PLPP4: variants seen among roughly 807,000 people sequenced by gnomAD.
PLPP4 encodes the protein phospholipid phosphatase 4, also known as diacylglycerol pyrophosphate like 2.
Under a neutral mutation model 32.2 loss-of-function variants are expected in PLPP4, and 20 were observed. The ratio of observed to expected loss-of-function variants is 0.62; its 90% CI spans 0.44 to 0.90. The LOEUF (loss-of-function observed/expected upper bound fraction) is 0.90, where lower values mean the gene tolerates loss of function less well. Ranked by LOEUF, PLPP4 falls within the 40% of genes least tolerant of loss-of-function variation. The probability of loss-of-function intolerance (pLI) is 0.00; values close to 1 mark genes in which losing one functional copy is unlikely to be tolerated. For synonymous variants in PLPP4, 127 were observed against 133.0 expected, an observed-to-expected ratio of 0.95 and a Z score of 0.31; for missense variants, 257 against 353.1, an observed-to-expected ratio of 0.73 and a Z score of 2.18.
chr10:120,564,509 CCTAT>C (rs1206393762), intron 5 of PLPP4, among the ~76,000 whole-genome samples: 1 of 151,758 alleles, frequency 6.6e-6, no homozygotes, highest in Non-Finnish European at 1.5e-5. Context: ...TCTTATATGT[CCTAT>C]CTAATATTTC....
Position 120,489,512 on chromosome 10 carries a change from G to A in PLPP4, c.57-14306G>A, listed in dbSNP as rs141787426. On this transcript the variant is annotated intron_variant, in intron 1 of 6. Coordinates refer to ENST00000398250, the MANE Select transcript of PLPP4 (RefSeq NM_001030059.3). ...ACACAGTGTCACACTGCACAACTGC[G>A]GTAGGAGTGGGCCACCAACACATGG... Among the ~76,000 whole-genome samples, 340 of 152,302 alleles carry A rather than the reference G, an allele frequency of 2.2e-3. 1 individual carries two copies. The highest frequency in any genetic ancestry group is 7.8e-3 in the African/African-American group (325 of 41,556).
chr10:120,507,029 T>G (rs1845522209), intron 2 of PLPP4, among the ~76,000 whole-genome samples: 1 of 152,252 alleles, frequency 6.6e-6, no homozygotes. Flanking sequence ...CTGCTGAGTG[T>G]GAGAGGTTTA....
chr10:120,456,995 C>A, upstream of PLPP4: 1 of 159,034 alleles, frequency 6.3e-6, no homozygotes, highest in South Asian at 1.8e-4. The surrounding 1 kb of genome is among the most constrained non-coding windows in gnomAD (Gnocchi z 4.1). Flanking sequence ...GGCGCGGGCC[C>A]AGGAGGCGGA....
At chr10:120,457,179 T>C (rs567532917), upstream of PLPP4, 188 of 576,218 alleles carry the variant, frequency 3.3e-4, 5 homozygotes, top group South Asian at 0.014. Flanking sequence ...GGCGCCCGCC[T>C]CCGCCCCCGC....
At chr10:120,580,942 G>C (rs1414807600) in intron 6 of PLPP4, 11 of 1,289,138 alleles carry the variant, frequency 8.5e-6, no homozygotes, top group Non-Finnish European at 9.1e-6. Context: ...TTTACCATCG[G>C]CTGCCAACCC....
intron 6 of PLPP4, among the ~76,000 whole-genome samples, chr10:120,588,589 C>T (rs1175542934): frequency 1.3e-5 from 2 of 152,152 alleles, no homozygotes; most frequent in Admixed American, 6.5e-5. Context: ...AGCAATACTA[C>T]AGGACTCTGA....
At chr10:120,526,090 TCATC>T (rs940958354) in intron 5 of PLPP4, among the ~76,000 whole-genome samples, 2 of 152,146 alleles carry the variant, frequency 1.3e-5, no homozygotes, top group African/African-American at 4.8e-5. Flanking sequence ...TCTTTTTTGT[TCATC>T]CATCAGGGAG....
intron 1 of PLPP4, among the ~76,000 whole-genome samples, chr10:120,487,788 A>G (rs1844528920): frequency 6.6e-6 from 1 of 152,208 alleles, no homozygotes; most frequent in South Asian, 2.1e-4. Context: ...TGAGGAACAC[A>G]GAAAGAGAGA....
intron 5 of PLPP4, among the ~76,000 whole-genome samples, chr10:120,563,772 A>G (rs1481129841): frequency 9.0e-6 from 1 of 110,580 alleles, no homozygotes; most frequent in East Asian, 2.8e-4. Flanking sequence ...TGCAGTCCGC[A>G]GTCCGGCCTG....
At chr10:120,574,171 CTCTCT>C in intron 5 of PLPP4, among the ~76,000 whole-genome samples, 1 of 42,272 alleles carries the variant, frequency 2.4e-5, no homozygotes, top group African/African-American at 1.3e-4. Flanking sequence ...CACACACACT[CTCTCT>C]CTCTCTCTCT....
rs550297731 is a variant in PLPP4 at position 120,572,233 on chromosome 10, A to G, written c.446-2898A>G. Among the ~76,000 whole-genome samples the G allele has an allele frequency of 7.5e-4, 114 of 152,338 alleles. No individual in the cohort carries two copies. In the East Asian group the frequency reaches 7.9e-3, roughly 11 times the overall value. On this transcript the variant is annotated intron_variant, in intron 5 of 6. Transcript: ENST00000398250. ...GAATGAGTTAGAGCCTGGGGTGCCAATGCTGGCCAAATACAAGTTCCTGAG... is the reference window on the plus strand; with the variant it reads ...GAATGAGTTAGAGCCTGGGGTGCCAGTGCTGGCCAAATACAAGTTCCTGAG...
chr10:120,527,005 C>G (rs566047736), intron 5 of PLPP4, among the ~76,000 whole-genome samples: 2 of 152,236 alleles, frequency 1.3e-5, no homozygotes, highest in African/African-American at 4.8e-5. Context: ...TGTTCAGGTG[C>G]TCCGAGATGG....
chr10:120,478,667 AATAAC>A (rs1160610675), intron 1 of PLPP4, among the ~76,000 whole-genome samples: 4 of 152,220 alleles, frequency 2.6e-5, no homozygotes, highest in African/African-American at 9.6e-5. Flanking sequence ...TCTCATCTGG[AATAAC>A]ATTTTGTAGC....
intron 1 of PLPP4, among the ~76,000 whole-genome samples, chr10:120,466,030 G>T (rs1848292350): frequency 1.3e-5 from 2 of 151,962 alleles, no homozygotes; most frequent in Non-Finnish European, 1.5e-5. Flanking sequence ...TTTCTTGTAG[G>T]TATATACATA....
intron 5 of PLPP4, among the ~76,000 whole-genome samples, chr10:120,563,970 ATGTT>A (rs1488284306): frequency 6.6e-6 from 1 of 151,336 alleles, no homozygotes; most frequent in Non-Finnish European, 1.5e-5. Flanking sequence ...TCTTTACTGT[ATGTT>A]TGTTTTGCTT....
intron 6 of PLPP4, among the ~76,000 whole-genome samples, chr10:120,586,478 C>T (rs1289425508): frequency 6.6e-6 from 1 of 152,086 alleles, no homozygotes; most frequent in Non-Finnish European, 1.5e-5. Flanking sequence ...TGTGTGGCCT[C>T]AGTAGGCTGA....
At chr10:120,543,010 G>A (rs866022242) in intron 5 of PLPP4, among the ~76,000 whole-genome samples, 1 of 152,182 alleles carries the variant, frequency 6.6e-6, no homozygotes, top group Non-Finnish European at 1.5e-5. Flanking sequence ...TATGAAGAAC[G>A]TGGTAATGTG....
chr10:120,485,192 C>T (rs964323926), intron 1 of PLPP4, among the ~76,000 whole-genome samples: 1 of 152,236 alleles, frequency 6.6e-6, no homozygotes, highest in East Asian at 1.9e-4. Context: ...TTTGTTACAG[C>T]TGCAGTAGGA....
chr10:120,585,053 C>T (rs1337821032), intron 6 of PLPP4, among the ~76,000 whole-genome samples: 1 of 152,176 alleles, frequency 6.6e-6, no homozygotes, highest in Non-Finnish European at 1.5e-5. Flanking sequence ...GTAGGTTTTG[C>T]TCTTTGGTCT....
Sources: gnomAD v4.1 joint callset for allele counts (sites outside exome capture counted in the v4.1 genomes callset) on GRCh38, gnomAD v4.1.1 for gene constraint, Gnocchi (gnomAD v3.1) non-coding constraint, MANE v1.5 for transcripts, NCBI Gene and HGNC (gene_info 2026-07-23, HGNC 2026-07-21) for gene names.